ACACB: variants seen among roughly 807,000 people sequenced by gnomAD.
The protein encoded by ACACB is acetyl-CoA carboxylase beta.
ACACB carries 209 observed loss-of-function variants against 278.8 expected under a neutral mutation model. The ratio of observed to expected loss-of-function variants is 0.75; its 90% CI spans 0.67 to 0.84. The LOEUF is 0.84. Among genes scored for constraint, ACACB ranks in the 40% least tolerant of loss-of-function variants. ACACB has a pLI of 0.00. For synonymous variants in ACACB, 1,174 were observed against 1,285.6 expected, an observed-to-expected ratio of 0.91 and a Z score of 1.86; for missense variants, 2,850 against 3,269.0, an observed-to-expected ratio of 0.87 and a Z score of 3.13.
chr12:109,216,218 T>TC, intron 22 of ACACB, among the ~76,000 whole-genome samples: 1 of 140,268 alleles, frequency 7.1e-6, no homozygotes, highest in Non-Finnish European at 1.6e-5. Context: ...TCTCTCTCTC[T>TC]CTTTTTTTTT....
intron 12 of ACACB, among the ~76,000 whole-genome samples, chr12:109,187,339 A>G (rs1391959555): frequency 2.0e-5 from 3 of 152,182 alleles, no homozygotes; most frequent in Admixed American, 6.5e-5. Context: ...TGTCAAGCAT[A>G]TAAAGTCAGA....
chr12:109,263,461 G>A (rs1419088745), intron 49 of ACACB: 1 of 152,192 alleles, frequency 6.6e-6, no homozygotes, highest in Non-Finnish European at 1.5e-5. Context: ...ACAGGCGTGA[G>A]CCACTAAGTC....
At chr12:109,172,408 T>C in intron 6 of ACACB, 52 bp downstream of exon 6, 1 of 1,534,266 alleles carries the variant, frequency 6.5e-7, no homozygotes, top group Non-Finnish European at 9.0e-7. Flanking sequence ...GCTGGGACAC[T>C]CTGCTGGGTC....
chr12:109,263,725 G>A (rs1340393676), intron 49 of ACACB: 1 of 152,678 alleles, frequency 6.5e-6, no homozygotes, highest in African/African-American at 2.4e-5. Flanking sequence ...GACTATTTGT[G>A]TTATCTGTTT....
Position 109,191,957 on chromosome 12 carries a change from G to A in ACACB, c.2399+7G>A. 1 of 1,613,962 alleles carries A rather than the reference G, an allele frequency of 6.2e-7. No individual in the cohort carries two copies. The highest frequency in any genetic ancestry group is 1.3e-5 in the African/African-American group (1 of 75,058). Reference sequence around the variant, plus strand: ...TCTTACACTCCCTGGAAAGGTAGGGGCTGTGGCAGTTCCCTTCTGCTTTTG... The same window carrying A: ...TCTTACACTCCCTGGAAAGGTAGGGACTGTGGCAGTTCCCTTCTGCTTTTG... On this transcript the variant is annotated splice_region_variant and intron_variant, in intron 15 of 52. Transcript: ENST00000338432.
At position 109,229,007 on chromosome 12, in the gene ACACB, G is replaced by A. The variant is rs180774000; in HGVS notation, c.4001+1518G>A. Among the ~76,000 whole-genome samples, 215 of 152,130 alleles carry A rather than the reference G, an allele frequency of 1.4e-3. 1 individual carries two copies. Among genetic ancestry groups the A allele is most frequent in the African/African-American group, 5.0e-3 (206 of 41,492 alleles). On this transcript the variant is annotated intron_variant, in intron 28 of 52. Coordinates refer to ENST00000338432, the MANE Select transcript of ACACB (RefSeq NM_001093.4). ...GGAGTCTCGCTCTGTTGCCCAGGCT[G>A]GAGTGCCAGTGGCACAATCTCAGCT...
intron 15 of ACACB, among the ~76,000 whole-genome samples, chr12:109,193,366 T>G (rs182409536): frequency 6.6e-6 from 1 of 152,154 alleles, no homozygotes; most frequent in African/African-American, 2.4e-5. Context: ...GACAGCTGCA[T>G]GCCACCACGC....
chr12:109,247,148 T>C (rs953158312), intron 39 of ACACB, among the ~76,000 whole-genome samples: 1 of 151,654 alleles, frequency 6.6e-6, no homozygotes, highest in Non-Finnish European at 1.5e-5. Context: ...GCAAGATGAA[T>C]GAGGGAAGCG....
At chr12:109,188,822 A>G (rs1219113632) in intron 13 of ACACB, among the ~76,000 whole-genome samples, 1 of 152,230 alleles carries the variant, frequency 6.6e-6, no homozygotes, top group Non-Finnish European at 1.5e-5. Flanking sequence ...GGAGATACCC[A>G]AAGTGTAAAA....
rs990882451 is a variant in ACACB at position 109,267,955 on chromosome 12, C to G, written c.*1593C>G. On this transcript the variant is annotated 3_prime_UTR_variant, in exon 53 of 53. Coordinates refer to ENST00000338432, the MANE Select transcript of ACACB (RefSeq NM_001093.4). Reference sequence around the variant, plus strand: ...TTGAGGGTATCCAAGTTGAAAAAGACAAAATCTGACCATCAGCCAGTGACA... The same window carrying G: ...TTGAGGGTATCCAAGTTGAAAAAGAGAAAATCTGACCATCAGCCAGTGACA... 1 of 147,106 alleles carries G rather than the reference C, an allele frequency of 6.8e-6. No homozygotes were observed. The highest frequency in any genetic ancestry group is 1.5e-5 in the Non-Finnish European group (1 of 66,834). The allele number at this position is 147,106 out of a possible 1,614,324, so 9.1% of individuals were successfully genotyped here. A position where few individuals can be genotyped will look rare whatever the true frequency, so the allele number is the denominator to read the frequency against.
rs2043936585 is a variant in ACACB at position 109,167,145 on chromosome 12, C to T, written c.786+152C>T. 2.2e-6 allele frequency: 2 copies of T among 925,354 alleles called. 1 individual carries two copies. The highest frequency in any genetic ancestry group is 3.3e-5 in the South Asian group (2 of 60,200). 57.3% of individuals were successfully genotyped at this position (925,354 alleles called of 1,614,324 possible). A position where few individuals can be genotyped will look rare whatever the true frequency, so the allele number is the denominator to read the frequency against. On this transcript the variant is annotated intron_variant, in intron 3 of 52. Coordinates refer to ENST00000338432, the MANE Select transcript of ACACB (RefSeq NM_001093.4). ...GCTCCTCTGAGTTTTAATAGTTTAA[C>T]CCTCAAATAGAAATAATAGTGAAGC...
intron 2 of ACACB, among the ~76,000 whole-genome samples, chr12:109,151,002 G>C (rs1462212073): frequency 2.3e-5 from 3 of 129,864 alleles, no homozygotes; most frequent in East Asian, 4.5e-4. Flanking sequence ...TTTTTGAGAC[G>C]GAGTCTCGCT....
At position 109,166,879 on chromosome 12, in the gene ACACB, C is replaced by T. The variant is rs1307336449; in HGVS notation, c.672C>T (p.Leu224=). The T allele has an allele frequency of 1.2e-6, 2 of 1,614,024 alleles. No individual in the cohort carries two copies. Among genetic ancestry groups the T allele is most frequent in the African/African-American group, 1.3e-5 (1 of 74,982 alleles). Residue 224 remains leucine, a synonymous_variant, in exon 3 of 53, where the codon CTC becomes CTT. Transcript: ENST00000338432. ...TCTGCAGGCCGAGCATGTCGGGACTCCACCTGGTGAAGAGGGGACGGGAAC... is the reference window on the plus strand; with the variant it reads ...TCTGCAGGCCGAGCATGTCGGGACTTCACCTGGTGAAGAGGGGACGGGAAC... ...VPTMRPSMSG[L]HLVKRGREHK...
intron 11 of ACACB, among the ~76,000 whole-genome samples, chr12:109,181,126 C>A (rs1203348128): frequency 6.6e-6 from 1 of 151,894 alleles, no homozygotes; most frequent in African/African-American, 2.4e-5. Context: ...TAATGTTCTC[C>A]AGTTCCATCC....
intron 32 of ACACB, 28 bp downstream of exon 32, chr12:109,235,397 CTT>C: frequency 6.2e-7 from 1 of 1,600,904 alleles, no homozygotes; most frequent in Non-Finnish European, 8.6e-7. Context: ...CTCTATGAGT[CTT>C]TCCCATTCTC....
At chr12:109,241,412 A>G in intron 36 of ACACB, 131 bp downstream of exon 36, 2 of 896,636 alleles carry the variant, frequency 2.2e-6, no homozygotes, top group Non-Finnish European at 3.5e-6. Flanking sequence ...GGGTTGGGGT[A>G]GCCCCCTCTG....
chr12:109,163,421 C>T (rs2043799458), intron 2 of ACACB, among the ~76,000 whole-genome samples: 1 of 151,908 alleles, frequency 6.6e-6, no homozygotes. Context: ...AAAACAGGCT[C>T]GTAGACATCA....
Position 109,242,561 on chromosome 12 carries a change from A to G in ACACB, c.5147A>G (p.Tyr1716Cys), listed in dbSNP as rs772219142. Residue 1716 changes from tyrosine to cysteine, a missense_variant, in exon 37 of 53, where the codon TAC becomes TGC. Physicochemically the swap from Tyr to Cys is radical, Grantham distance 194. Transcript: ENST00000338432. ...CAGGCCCAGACCCTGGGAACCACCT[A>G]CATCTATGACTTCCCGGAAATGTTC... ...RFQAQTLGTT[Y>C]IYDFPEMFRQ... The G allele has an allele frequency of 9.3e-6, 15 of 1,614,104 alleles. No homozygotes were observed. Among genetic ancestry groups the G allele is most frequent in the Non-Finnish European group, 1.3e-5 (15 of 1,179,968 alleles).
At chr12:109,201,777 T>C in intron 19 of ACACB, 76 bp downstream of exon 19, 2 of 1,562,756 alleles carry the variant, frequency 1.3e-6, no homozygotes. Context: ...GTGAGACAGG[T>C]GGACTCAAGG....
Sources: allele counts gnomAD v4.1 joint callset (sites outside exome capture counted in the v4.1 genomes callset), GRCh38; gene constraint gnomAD v4.1.1; transcripts MANE v1.5; gene names NCBI Gene and HGNC (gene_info 2026-07-23, HGNC 2026-07-21).